DEFB125: variants seen among roughly 807,000 people sequenced by gnomAD.
The protein encoded by DEFB125 is defensin beta 125.
A neutral mutation model predicts 11.8 loss-of-function variants in DEFB125; 11 were observed. That is an observed-to-expected ratio of 0.94 (90% CI 0.59 to 1.55). The LOEUF (loss-of-function observed/expected upper bound fraction) is 1.55. DEFB125 is among the 40% of genes most tolerant of loss of function. The pLI, the probability that DEFB125 is intolerant of heterozygous loss-of-function variation, is 0.00. For synonymous variants in DEFB125, 79 were observed against 66.7 expected (o/e 1.18, Z -0.90); for missense variants, 198 against 191.2 (o/e 1.04, Z -0.21).
In DEFB125 at chr20:96,331, A is replaced by C; in HGVS notation, c.385A>C (p.Thr129Pro). 1.9e-6 allele frequency: 3 copies of C among 1,613,298 alleles called. No homozygotes were observed. The highest frequency in any genetic ancestry group is 1.7e-6 in the Non-Finnish European group (2 of 1,179,448). ...TACTATGCCACCATCTGAGGCCACT[A>C]CTCCCGAGACTACTATGCCACCATC... The part of the protein sequence containing the change: ...ETTMPPSEAT[T>P]PETTMPPSET... Residue 129 changes from threonine (T) to proline (P), a missense_variant, in exon 2 of 2, where the codon ACT becomes CCT. By Grantham distance (38) the Thr-to-Pro change is conservative. Coordinates refer to ENST00000382410, the MANE Select transcript of DEFB125 (RefSeq NM_153325.4).
intron 1 of DEFB125, among the ~76,000 whole-genome samples, chr20:94,556 T>C (rs1392430262): frequency 6.6e-6 from 1 of 152,136 alleles, no homozygotes; most frequent in Non-Finnish European, 1.5e-5. Flanking sequence ...TCTAATGCCT[T>C]GGCTGATCTG....
In DEFB125 at chr20:87,840, T is replaced by C. The variant is rs745421249; in HGVS notation, c.58+73T>C. 7.2e-6 allele frequency: 11 copies of C among 1,518,514 alleles called. No homozygotes were observed. In the Middle Eastern group the frequency reaches 9.1e-4, roughly 125 times the overall value. The allele number at this position is 1,518,514 out of a possible 1,614,324, so 94.1% of individuals were successfully genotyped here. ...CCCTTGGGCTCCCCTGGTATCATGA[T>C]GGGAAGAGAGGGAATCTGCAGGAAA... On this transcript the variant is annotated intron_variant, in intron 1 of 1. Coordinates refer to ENST00000382410, the MANE Select transcript of DEFB125 (RefSeq NM_153325.4).
chr20:96,868 G>T lies in DEFB125; in HGVS notation c.*451G>T. The T allele has an allele frequency of 6.4e-6, 1 of 156,186 alleles. No individual in the cohort carries two copies. The highest frequency in any genetic ancestry group is 6.2e-5 in the Admixed American group (1 of 16,008). The allele number at this position is 156,186 out of a possible 1,614,324, so 9.7% of individuals were successfully genotyped here. A position where few individuals can be genotyped will look rare whatever the true frequency, so the allele number is the denominator to read the frequency against. On this transcript the variant is annotated 3_prime_UTR_variant, in exon 2 of 2. Coordinates refer to ENST00000382410, the MANE Select transcript of DEFB125 (RefSeq NM_153325.4). Reference sequence around the variant, plus strand: ...ATATAAAAGCATATAGAAAGTTCCAGATGAATGTTCCCTTCTCTACCCTCC... The same window carrying T: ...ATATAAAAGCATATAGAAAGTTCCATATGAATGTTCCCTTCTCTACCCTCC...
chr20:88,987 GT>G (rs963941288), intron 1 of DEFB125, among the ~76,000 whole-genome samples: 1 of 151,716 alleles, frequency 6.6e-6, no homozygotes, highest in African/African-American at 2.4e-5. Context: ...AGTCCTTTTT[GT>G]TTTTTCTACT....
intron 1 of DEFB125, among the ~76,000 whole-genome samples, chr20:93,170 C>T (rs990359814): frequency 3.3e-5 from 5 of 151,990 alleles, no homozygotes; most frequent in African/African-American, 1.2e-4. Context: ...CAGGGTTTCA[C>T]CATGGCCAGG....
At position 93,035 on chromosome 20, in the gene DEFB125, A is replaced by G. The variant is rs932125297; in HGVS notation, c.59-2970A>G. The stretch of plus-strand genomic sequence containing the variant: ...GCCCAGGCTGGAATGCAGTGGCACA[A>G]TCTTGGCTTACTGCAACCTTCGCCT... On this transcript the variant is annotated intron_variant, in intron 1 of 1. Coordinates refer to ENST00000382410, the MANE Select transcript of DEFB125 (RefSeq NM_153325.4). Among the ~76,000 whole-genome samples, 8 of 148,844 alleles carry G rather than the reference A, an allele frequency of 5.4e-5. No individual in the cohort carries two copies. The Admixed American group carries it at 5.4e-4, about 10-fold the overall frequency.
At chr20:91,293 T>C (rs957881290) in intron 1 of DEFB125, among the ~76,000 whole-genome samples, 1 of 152,244 alleles carries the variant, frequency 6.6e-6, no homozygotes, top group African/African-American at 2.4e-5. Flanking sequence ...TTTCCTTTGC[T>C]GTGCACAAGC....
chr20:94,760 C>T (rs1372204473), intron 1 of DEFB125, among the ~76,000 whole-genome samples: 1 of 152,186 alleles, frequency 6.6e-6, no homozygotes, highest in East Asian at 1.9e-4. Flanking sequence ...TCTCTCTATC[C>T]TCCTTTCCCT....
chr20:94,405 C>T (rs992093281), intron 1 of DEFB125, among the ~76,000 whole-genome samples: 1 of 152,066 alleles, frequency 6.6e-6, no homozygotes, highest in Non-Finnish European at 1.5e-5. Context: ...GTTTTTTCGA[C>T]GAGGTGAAGG....
intron 1 of DEFB125, among the ~76,000 whole-genome samples, chr20:90,867 C>T (rs1318093712): frequency 6.6e-6 from 1 of 152,176 alleles, no homozygotes; most frequent in African/African-American, 2.4e-5. Flanking sequence ...ATTCCTTTAC[C>T]TCCTTCAAGC....
chr20:94,532 T>G (rs533067436), intron 1 of DEFB125, among the ~76,000 whole-genome samples: 1 of 152,118 alleles, frequency 6.6e-6, no homozygotes, highest in Non-Finnish European at 1.5e-5. Flanking sequence ...ATAGGGTTCA[T>G]GCTCCTATGA....
chr20:95,923 T>G, intron 1 of DEFB125, 82 bp from the exon 2 acceptor site: 1 of 1,294,676 alleles, frequency 7.7e-7, no homozygotes, highest in Admixed American at 2.3e-5. Flanking sequence ...TAGATGTCAG[T>G]CAGTGTAAAT....
intron 1 of DEFB125, among the ~76,000 whole-genome samples, 178 bp downstream of exon 1, chr20:87,945 G>C (rs1234300813): frequency 6.6e-6 from 1 of 152,124 alleles, no homozygotes; most frequent in Non-Finnish European, 1.5e-5. Context: ...CTTTCTGTTA[G>C]GGGCATCTAG....
At chr20:94,188 A>C (rs1413551254) in intron 1 of DEFB125, among the ~76,000 whole-genome samples, 1 of 152,054 alleles carries the variant, frequency 6.6e-6, no homozygotes, top group Non-Finnish European at 1.5e-5. Context: ...ATTTTGATAC[A>C]TGTATACAAT....
chr20:88,402 T>C (rs1349757411), intron 1 of DEFB125, among the ~76,000 whole-genome samples: 2 of 152,194 alleles, frequency 1.3e-5, no homozygotes, highest in African/African-American at 4.8e-5. Flanking sequence ...AATTGTTAAC[T>C]TTTTATTAAA....
intron 1 of DEFB125, among the ~76,000 whole-genome samples, chr20:95,091 C>T (rs1039608441): frequency 6.6e-6 from 1 of 152,076 alleles, no homozygotes; most frequent in African/African-American, 2.4e-5. Context: ...TACATTTCTC[C>T]ACTGATTTTT....
chr20:88,865 G>GACACACACAC (rs200122767), intron 1 of DEFB125, among the ~76,000 whole-genome samples: 336 of 148,518 alleles, frequency 2.3e-3, no homozygotes, highest in African/African-American at 5.9e-3. Flanking sequence ...TGGACACGTG[G>GACACACACAC]ACACACACAC....
In DEFB125 at chr20:95,991, T is replaced by G. The variant is rs748066968; in HGVS notation, c.59-14T>G. 2 of 1,556,120 alleles carry G rather than the reference T, an allele frequency of 1.3e-6. No individual in the cohort carries two copies. The highest frequency in any genetic ancestry group is 2.4e-5 in the South Asian group (2 of 82,076). Reference sequence around the variant, plus strand: ...CCAGAGTTAAAAATTTGACCTATATTTTATTCTCTACAGGTAGCTTTGAAC... The same window carrying G: ...CCAGAGTTAAAAATTTGACCTATATGTTATTCTCTACAGGTAGCTTTGAAC... On this transcript the variant is annotated splice_polypyrimidine_tract_variant and intron_variant, in intron 1 of 1. Coordinates refer to ENST00000382410, the MANE Select transcript of DEFB125 (RefSeq NM_153325.4).
At chr20:94,735 A>G (rs1911756287) in intron 1 of DEFB125, among the ~76,000 whole-genome samples, 2 of 152,066 alleles carry the variant, frequency 1.3e-5, no homozygotes, top group South Asian at 2.1e-4. Flanking sequence ...GTAATTTTCT[A>G]TCTGTTAACC....
Sources: gnomAD v4.1 joint callset for allele counts (sites outside exome capture counted in the v4.1 genomes callset) on GRCh38, gnomAD v4.1.1 for gene constraint, MANE v1.5 for transcripts, NCBI Gene and HGNC (gene_info 2026-07-23, HGNC 2026-07-21) for gene names.